The following BNC2 variants were observed in gnomAD, a reference collection of about 807,000 sequenced individuals.
The protein encoded by BNC2 is zinc finger protein basonuclin-2.
A neutral mutation model predicts 76.3 loss-of-function variants in BNC2; 20 were observed. The ratio of observed to expected loss-of-function variants is 0.26; its 90% CI spans 0.18 to 0.38. BNC2 has a LOEUF of 0.38. Among genes scored for constraint, BNC2 ranks in the 10% least tolerant of loss-of-function variants. BNC2 has a pLI of 1.00. For synonymous variants in BNC2, 582 were observed against 514.8 expected (o/e 1.13, Z -1.77); for missense variants, 1,382 against 1,399.8 (o/e 0.99, Z 0.20).
Position 16,411,615 on chromosome 9 carries a change from T to C in BNC2, c.*7374A>G, listed in dbSNP as rs1820463362. ...GGAACTTAAGAAGTATCATGTCAACTAATTGCCTTTGCTCGAACCCAAGAG... is the reference window on the plus strand; with the variant it reads ...GGAACTTAAGAAGTATCATGTCAACCAATTGCCTTTGCTCGAACCCAAGAG... On this transcript the variant is annotated 3_prime_UTR_variant, in exon 7 of 7. Coordinates refer to ENST00000380672, the MANE Select transcript of BNC2 (RefSeq NM_017637.6). 2 of 152,644 alleles carry C rather than the reference T, an allele frequency of 1.3e-5. No individual in the cohort carries two copies. Among genetic ancestry groups the C allele is most frequent in the African/African-American group, 4.8e-5 (2 of 41,448 alleles). The allele number at this position is 152,644 out of a possible 1,614,324, so 9.5% of individuals were successfully genotyped here.
At chr9:16,459,767 G>T (rs969036811) in intron 5 of BNC2, among the ~76,000 whole-genome samples, 1 of 151,962 alleles carries the variant, frequency 6.6e-6, no homozygotes, top group East Asian at 1.9e-4. Flanking sequence ...TGGAAAGTTG[G>T]GGCTTATGCA....
chr9:16,674,986 C>T (rs1024258286), intron 3 of BNC2, among the ~76,000 whole-genome samples: 1 of 152,150 alleles, frequency 6.6e-6, no homozygotes, highest in Admixed American at 6.5e-5. Context: ...TCTAAACTAA[C>T]TGACACTAGA....
In BNC2 at chr9:16,790,468, T is replaced by TA. The variant is rs201905750; in HGVS notation, c.4-51984dup. Among the ~76,000 whole-genome samples the TA allele has an allele frequency of 6.8e-3, 1,030 of 152,294 alleles. 11 individuals carry two copies. The highest frequency in any genetic ancestry group is 0.023 in the African/African-American group (955 of 41,562). On this transcript the variant is annotated intron_variant, in intron 1 of 6. Transcript: ENST00000380672. The stretch of plus-strand genomic sequence containing the variant: ...CTCTGAGAATTGTTTTATTTATTTA[T>TA]AAAAAACTGTGTCAATAGTAGTTTC...
chr9:16,416,396 G>C lies in BNC2; in HGVS notation c.*2593C>G, dbSNP rs779398161. On this transcript the variant is annotated 3_prime_UTR_variant, in exon 7 of 7. Transcript: ENST00000380672. ...AGCACAACACAGAGAACGCTGAGAG[G>C]ACCAAAATGTTTGCAAACAAACTTT... is the stretch of plus-strand genomic sequence containing the variant. 5.2e-5 allele frequency: 8 copies of C among 152,552 alleles called. No homozygotes were observed. The highest frequency in any genetic ancestry group is 1.2e-4 in the Non-Finnish European group (8 of 68,022). The allele number at this position is 152,552 out of a possible 1,614,324, so 9.4% of individuals were successfully genotyped here.
intron 1 of BNC2, among the ~76,000 whole-genome samples, chr9:16,748,019 A>G (rs1825061494): frequency 2.6e-4 from 1 of 3,820 alleles, no homozygotes; most frequent in Non-Finnish European, 2.1e-3. Context: ...GAAGAATGGA[A>G]AAAAAAACTG....
chr9:16,595,097 T>C (rs1262572100), intron 3 of BNC2, among the ~76,000 whole-genome samples: 1 of 152,160 alleles, frequency 6.6e-6, no homozygotes, highest in Non-Finnish European at 1.5e-5. Flanking sequence ...TTATAGTCTT[T>C]ATATGGTTAT....
intron 1 of BNC2, among the ~76,000 whole-genome samples, chr9:16,753,607 C>G (rs541349552): frequency 1.3e-4 from 20 of 152,180 alleles, no homozygotes; most frequent in Non-Finnish European, 2.6e-4. Flanking sequence ...TTAACAGTAT[C>G]AATCACACTG....
chr9:16,633,950 G>C (rs1455414129), intron 3 of BNC2, among the ~76,000 whole-genome samples: 1 of 152,020 alleles, frequency 6.6e-6, no homozygotes, highest in Non-Finnish European at 1.5e-5. Context: ...CTTACTCTAG[G>C]CTATTTAGCA....
At chr9:16,851,356 C>T (rs1037572601) in intron 1 of BNC2, among the ~76,000 whole-genome samples, 1 of 148,862 alleles carries the variant, frequency 6.7e-6, no homozygotes, top group Admixed American at 6.7e-5. Context: ...AAAAAAAAAA[C>T]TTACCCAGGC....
At chr9:16,697,406 G>T (rs1823371054) in intron 3 of BNC2, among the ~76,000 whole-genome samples, 1 of 151,444 alleles carries the variant, frequency 6.6e-6, no homozygotes, top group African/African-American at 2.4e-5. Flanking sequence ...CCAACAAGTT[G>T]TCAACATATG....
At chr9:16,753,515 T>C (rs1009400295) in intron 1 of BNC2, among the ~76,000 whole-genome samples, 1 of 152,222 alleles carries the variant, frequency 6.6e-6, no homozygotes, top group African/African-American at 2.4e-5. Flanking sequence ...TTCACATAAA[T>C]AGTGCTTAAA....
intron 1 of BNC2, among the ~76,000 whole-genome samples, chr9:16,779,584 A>T (rs973294664): frequency 5.3e-5 from 8 of 152,212 alleles, no homozygotes; most frequent in African/African-American, 1.9e-4. Context: ...TACATATTTA[A>T]AAGTATTTGA....
At chr9:16,724,395 TAAAATAGGCA>T (rs1824252699) in intron 3 of BNC2, among the ~76,000 whole-genome samples, 1 of 151,992 alleles carries the variant, frequency 6.6e-6, no homozygotes, top group Non-Finnish European at 1.5e-5. Context: ...CTTGTGAAAC[TAAAATAGGCA>T]AAATAAGGTT....
At chr9:16,602,923 T>C (rs1820283581) in intron 3 of BNC2, among the ~76,000 whole-genome samples, 2 of 152,242 alleles carry the variant, frequency 1.3e-5, no homozygotes, top group African/African-American at 4.8e-5. Flanking sequence ...AATAAAATGA[T>C]AAACTAAATA....
At chr9:16,825,499 T>C (rs1818432590) in intron 1 of BNC2, among the ~76,000 whole-genome samples, 1 of 152,148 alleles carries the variant, frequency 6.6e-6, no homozygotes, top group African/African-American at 2.4e-5. Flanking sequence ...TACCAGTTCA[T>C]GACTGCACTA....
intron 4 of BNC2, among the ~76,000 whole-genome samples, chr9:16,562,708 C>A (rs895387358): frequency 1.3e-5 from 2 of 152,078 alleles, no homozygotes; most frequent in Non-Finnish European, 2.9e-5. Flanking sequence ...GGTCATGATA[C>A]CTAGCAAAAT....
intron 5 of BNC2, among the ~76,000 whole-genome samples, chr9:16,505,159 T>C (rs1161686312): frequency 6.6e-6 from 1 of 152,092 alleles, no homozygotes; most frequent in Non-Finnish European, 1.5e-5. Flanking sequence ...TGAGATAAAA[T>C]GTATAAAAGA....
intron 3 of BNC2, among the ~76,000 whole-genome samples, chr9:16,623,481 T>C (rs1820917227): frequency 1.3e-5 from 2 of 152,184 alleles, no homozygotes; most frequent in African/African-American, 4.8e-5. Context: ...TAGAACAGTA[T>C]TGTCAAAGCT....
chr9:16,490,938 G>C (rs1822266094), intron 5 of BNC2, among the ~76,000 whole-genome samples: 1 of 152,112 alleles, frequency 6.6e-6, no homozygotes, highest in African/African-American at 2.4e-5. Flanking sequence ...AATTGAATAA[G>C]GACTTTTAGG....
Sources: allele counts gnomAD v4.1 joint callset (sites outside exome capture counted in the v4.1 genomes callset), GRCh38; gene constraint gnomAD v4.1.1; transcripts MANE v1.5; gene names NCBI Gene and HGNC (gene_info 2026-07-23, HGNC 2026-07-21).